Variants in ONECUT2 observed in about 807,000 individuals in gnomAD.
The protein encoded by ONECUT2 is one cut domain family member 2.
In ONECUT2, 10 loss-of-function variants were observed where a neutral mutation model predicts 27.9. That is an observed-to-expected ratio of 0.36 (90% CI 0.22 to 0.61). The LOEUF (loss-of-function observed/expected upper bound fraction) is 0.61. ONECUT2 is among the 20% of genes least tolerant of loss of function. The probability of loss-of-function intolerance (pLI) is 0.73; values close to 1 mark genes in which losing one functional copy is unlikely to be tolerated. For missense variants in ONECUT2, 686 were observed against 721.0 expected (o/e 0.95, Z 0.56); for synonymous variants, 334 against 315.1 (o/e 1.06, Z -0.64).
At chr18:57,439,796 C>G (rs1007767094) in intron 1 of ONECUT2, among the ~76,000 whole-genome samples, 1 of 152,232 alleles carries the variant, frequency 6.6e-6, no homozygotes, top group Non-Finnish European at 1.5e-5. Flanking sequence ...CCCTGCCCCC[C>G]TCCCGCCAAA....
chr18:57,441,087 GA>G (rs1173591779), intron 1 of ONECUT2, among the ~76,000 whole-genome samples: 1 of 152,236 alleles, frequency 6.6e-6, no homozygotes, highest in Non-Finnish European at 1.5e-5. Context: ...CCGAGCAGGA[GA>G]AGCAGCCCAG....
At position 57,480,866 on chromosome 18, in the gene ONECUT2, C is replaced by T. The variant is rs115517506; in HGVS notation, c.*4143C>T. The T allele has an allele frequency of 2.6e-5, 4 of 152,018 alleles. No individual in the cohort carries two copies. Among genetic ancestry groups the T allele is most frequent in the African/African-American group, 7.3e-5 (3 of 41,374 alleles). 9.4% of individuals were successfully genotyped at this position (152,018 alleles called of 1,614,324 possible). On this transcript the variant is annotated 3_prime_UTR_variant, in exon 2 of 2. Coordinates refer to ENST00000491143, the MANE Select transcript of ONECUT2 (RefSeq NM_004852.3). ...AAGTTAATAATTTCAGAGAAAATAA[C>T]CATTTGGGTGTGGTTATAGTTTAGT...
At chr18:57,476,039 G>A (rs767751849) in intron 1 of ONECUT2, among the ~76,000 whole-genome samples, 8 of 152,090 alleles carry the variant, frequency 5.3e-5, no homozygotes, top group African/African-American at 1.2e-4. Context: ...TAAACAATTC[G>A]AGAGGGTGAA....
At chr18:57,451,312 A>G (rs2050228941) in intron 1 of ONECUT2, among the ~76,000 whole-genome samples, 1 of 152,222 alleles carries the variant, frequency 6.6e-6, no homozygotes. Context: ...TAACTAGGTA[A>G]GCAATTGACC....
intron 1 of ONECUT2, among the ~76,000 whole-genome samples, chr18:57,462,596 T>C (rs1259773808): frequency 2.6e-5 from 4 of 152,140 alleles, no homozygotes; most frequent in Non-Finnish European, 5.9e-5. Flanking sequence ...TCTCACTTTG[T>C]TGCACAGGAG....
rs12963672 is a variant in ONECUT2 at position 57,477,702 on chromosome 18, T to A, written c.*979T>A. ...CAGTGCATGGAGCGAATGCAGCATT[T>A]TAAAAGATCTAGGTTTTTTTAGGTC... On this transcript the variant is annotated 3_prime_UTR_variant, in exon 2 of 2. Coordinates refer to ENST00000491143, the MANE Select transcript of ONECUT2 (RefSeq NM_004852.3). The A allele has an allele frequency of 0.042, 6,488 of 152,708 alleles. 657 individuals carry two copies. Among genetic ancestry groups the A allele is most frequent in the East Asian group, 0.36 (1,872 of 5,180 alleles). The allele number at this position is 152,708 out of a possible 1,614,324, so 9.5% of individuals were successfully genotyped here.
intron 1 of ONECUT2, among the ~76,000 whole-genome samples, chr18:57,452,824 G>C (rs1355901147): frequency 6.6e-6 from 1 of 152,196 alleles, no homozygotes; most frequent in Non-Finnish European, 1.5e-5. Context: ...CAAGCCTGTT[G>C]CCTACAGAAT....
Position 57,446,915 on chromosome 18 carries a change from T to A in ONECUT2, c.1228+9971T>A, listed in dbSNP as rs4940725. Among the ~76,000 whole-genome samples, 5,477 of 152,156 alleles carry A rather than the reference T, an allele frequency of 0.036. 567 individuals carry two copies. The East Asian group carries it at 0.36, about 10-fold the overall frequency. On this transcript the variant is annotated intron_variant, in intron 1 of 1. Transcript: ENST00000491143. ...TATGTGTGGAAGAAAAATGGCTCCG[T>A]TGATTGTGCCAGTGAGGGCTGTGCC... is the stretch of plus-strand genomic sequence containing the variant.
intron 1 of ONECUT2, among the ~76,000 whole-genome samples, chr18:57,471,991 G>T (rs557175608): frequency 7.2e-5 from 11 of 152,308 alleles, no homozygotes; most frequent in African/African-American, 2.6e-4. Context: ...TCCTAAAAGA[G>T]AGAGGAGAAG....
intron 1 of ONECUT2, among the ~76,000 whole-genome samples, chr18:57,459,634 A>G (rs1414351222): frequency 6.6e-6 from 1 of 152,162 alleles, no homozygotes; most frequent in Admixed American, 6.5e-5. Context: ...ATCTTGGCTC[A>G]CTGCAACCTC....
rs1288015740 is a variant in ONECUT2, at chr18:57,486,272, T to G, written c.*9549T>G. On this transcript the variant is annotated 3_prime_UTR_variant, in exon 2 of 2. Transcript: ENST00000491143. ...TCTGTGCTTTTTTTAATTCTTCCTG[T>G]GAATACCTCAGCTTCAACTGGGCCT... The G allele has an allele frequency of 6.6e-6, 1 of 152,662 alleles. No individual in the cohort carries two copies. The highest frequency in any genetic ancestry group is 1.5e-5 in the Non-Finnish European group (1 of 68,074). The allele number at this position is 152,662 out of a possible 1,614,324, so 9.5% of individuals were successfully genotyped here. A position where few individuals can be genotyped will look rare whatever the true frequency, so the allele number is the denominator to read the frequency against.
chr18:57,473,838 C>T (rs2050367487), intron 1 of ONECUT2, among the ~76,000 whole-genome samples: 1 of 152,224 alleles, frequency 6.6e-6, no homozygotes, highest in Admixed American at 6.5e-5. Context: ...AAGGCTATTT[C>T]TGTGTGTTAC....
intron 1 of ONECUT2, among the ~76,000 whole-genome samples, chr18:57,449,808 C>A (rs531431402): frequency 6.6e-6 from 1 of 152,374 alleles, no homozygotes; most frequent in South Asian, 2.1e-4. Flanking sequence ...CACCTCCGAT[C>A]TGCCTCTGAA....
chr18:57,486,422 TC>T lies in ONECUT2; in HGVS notation c.*9702del, dbSNP rs879730472. On this transcript the variant is annotated 3_prime_UTR_variant, in exon 2 of 2. Transcript: ENST00000491143. Reference sequence around the variant, plus strand: ...TCTCCTCCTCTGCCTCCCTCGTTCTTCCCTTTTTTCTAGTTCTTCACGGTTC... The same window carrying T: ...TCTCCTCCTCTGCCTCCCTCGTTCTTCCTTTTTTCTAGTTCTTCACGGTTC... 1 of 152,602 alleles carries T rather than the reference TC, an allele frequency of 6.6e-6. No individual in the cohort carries two copies. Among genetic ancestry groups the T allele is most frequent in the Non-Finnish European group, 1.5e-5 (1 of 68,044 alleles). The allele number at this position is 152,602 out of a possible 1,614,324, so 9.5% of individuals were successfully genotyped here. A position where few individuals can be genotyped will look rare whatever the true frequency, so the allele number is the denominator to read the frequency against.
chr18:57,457,865 C>T (rs947917857), intron 1 of ONECUT2, among the ~76,000 whole-genome samples: 2 of 152,096 alleles, frequency 1.3e-5, no homozygotes, highest in Admixed American at 6.6e-5. Flanking sequence ...AGCCAACTAT[C>T]GCAAGGACAG....
At chr18:57,463,561 G>A (rs928413463) in intron 1 of ONECUT2, among the ~76,000 whole-genome samples, 4 of 152,226 alleles carry the variant, frequency 2.6e-5, no homozygotes, top group Non-Finnish European at 5.9e-5. Context: ...CATTGTACCT[G>A]TAGATCAATA....
chr18:57,458,190 A>G (rs1568121565), intron 1 of ONECUT2, among the ~76,000 whole-genome samples: 2 of 152,236 alleles, frequency 1.3e-5, no homozygotes, highest in Admixed American at 6.5e-5. Context: ...ATTATTTTTA[A>G]TTATTTAAGC....
intron 1 of ONECUT2, among the ~76,000 whole-genome samples, chr18:57,448,478 C>G (rs1369300495): frequency 1.3e-5 from 2 of 152,088 alleles, no homozygotes; most frequent in African/African-American, 4.8e-5. Flanking sequence ...AAATTTTGTT[C>G]TAAAAATGAG....
chr18:57,458,351 C>T (rs2050271603), intron 1 of ONECUT2, among the ~76,000 whole-genome samples: 1 of 152,206 alleles, frequency 6.6e-6, no homozygotes, highest in South Asian at 2.1e-4. Context: ...CCAATCCAGG[C>T]ACTTCCAGTG....
Sources: gnomAD v4.1 joint callset for allele counts (sites outside exome capture counted in the v4.1 genomes callset) on GRCh38, gnomAD v4.1.1 for gene constraint, MANE v1.5 for transcripts, NCBI Gene and HGNC (gene_info 2026-07-23, HGNC 2026-07-21) for gene names.